The following RBFOX1 variants were observed in gnomAD, a reference collection of about 807,000 sequenced individuals.
RBFOX1 encodes RNA binding fox-1 homolog 1.
A neutral mutation model predicts 57.7 loss-of-function variants in RBFOX1; 8 were observed. That is an observed-to-expected ratio of 0.14 (90% CI 0.08 to 0.25). The LOEUF (loss-of-function observed/expected upper bound fraction) is 0.25. Among genes scored for constraint, RBFOX1 ranks in the 10% least tolerant of loss-of-function variants. The probability of loss-of-function intolerance (pLI) is 1.00; values close to 1 mark genes in which losing one functional copy is unlikely to be tolerated. For missense variants in RBFOX1, 611 were observed against 548.5 expected, an observed-to-expected ratio of 1.11 and a Z score of -1.14; for synonymous variants, 326 against 222.4, an observed-to-expected ratio of 1.47 and a Z score of -4.15.
chr16:7,374,010 G>C (rs1207374314), intron 4 of RBFOX1, among the ~76,000 whole-genome samples: 3 of 152,142 alleles, frequency 2.0e-5, no homozygotes, highest in African/African-American at 7.2e-5. Context: ...TCACAGATAT[G>C]AGCCATAAAA....
intron 4 of RBFOX1, among the ~76,000 whole-genome samples, chr16:7,309,924 T>C: frequency 6.6e-6 from 1 of 152,220 alleles, no homozygotes; most frequent in East Asian, 1.9e-4. Flanking sequence ...CCCAATGTTC[T>C]GTTTAATTCA....
chr16:5,940,306 C>T (rs537562345), intron 4 of RBFOX1, among the ~76,000 whole-genome samples: 2 of 152,122 alleles, frequency 1.3e-5, no homozygotes, highest in Non-Finnish European at 2.9e-5. Context: ...CTAGATGGTC[C>T]CTAAAGCCTC....
chr16:6,961,568 C>T (rs955327645), intron 3 of RBFOX1, among the ~76,000 whole-genome samples: 2 of 152,186 alleles, frequency 1.3e-5, no homozygotes, highest in Non-Finnish European at 2.9e-5. Flanking sequence ...AAACGAATGG[C>T]TACTCCATAG....
At chr16:7,272,089 C>T (rs1464032459) in intron 4 of RBFOX1, among the ~76,000 whole-genome samples, 1 of 152,120 alleles carries the variant, frequency 6.6e-6, no homozygotes, top group Non-Finnish European at 1.5e-5. Flanking sequence ...TCCCCATTGT[C>T]GGCGTTTGTA....
chr16:7,379,593 C>G (rs1413517690), intron 4 of RBFOX1, among the ~76,000 whole-genome samples: 2 of 152,120 alleles, frequency 1.3e-5, no homozygotes, highest in Non-Finnish European at 2.9e-5. Context: ...AATAAAGAAA[C>G]TCAAAATTCA....
intron 2 of RBFOX1, among the ~76,000 whole-genome samples, chr16:6,552,528 T>G (rs1356895610): frequency 3.3e-5 from 5 of 152,224 alleles, no homozygotes; most frequent in African/African-American, 4.8e-5. Context: ...AATTGCCGAA[T>G]AAATGTTACC....
intron 3 of RBFOX1, among the ~76,000 whole-genome samples, chr16:6,910,035 C>T (rs1483212283): frequency 6.6e-6 from 1 of 152,056 alleles, no homozygotes; most frequent in Non-Finnish European, 1.5e-5. Context: ...GTTCATTACT[C>T]TTACCTCTAC....
At chr16:7,494,411 T>C (rs761979685) in intron 4 of RBFOX1, among the ~76,000 whole-genome samples, 1 of 152,176 alleles carries the variant, frequency 6.6e-6, no homozygotes, top group Admixed American at 6.5e-5. Flanking sequence ...TCACACTCCT[T>C]CTCTGCTCCC....
At chr16:5,326,165 C>T (rs1202771107) in intron 1 of RBFOX1, among the ~76,000 whole-genome samples, 1 of 152,178 alleles carries the variant, frequency 6.6e-6, no homozygotes, top group Non-Finnish European at 1.5e-5. Context: ...ATAGGCATGT[C>T]CTAGGATCTT....
At chr16:7,091,634 C>G (rs756579780) in intron 4 of RBFOX1, among the ~76,000 whole-genome samples, 1 of 152,178 alleles carries the variant, frequency 6.6e-6, no homozygotes, top group Non-Finnish European at 1.5e-5. Context: ...ACCACCCAGA[C>G]AGCTCCAGTT....
chr16:6,145,700 A>G (rs1276811269), intron 1 of RBFOX1, among the ~76,000 whole-genome samples: 2 of 152,158 alleles, frequency 1.3e-5, no homozygotes, highest in African/African-American at 2.4e-5. Flanking sequence ...AGTATTTTCA[A>G]TGTTTATGGC....
At position 5,946,425 on chromosome 16, in the gene RBFOX1, A is replaced by G. The variant is rs1014268348; in HGVS notation, c.351+79090A>G. Reference sequence around the variant, plus strand: ...AACCAAGTGCCGGATGCACTACTCTATCTTGCGACAGAGCCATGAACAGCT... The same window carrying G: ...AACCAAGTGCCGGATGCACTACTCTGTCTTGCGACAGAGCCATGAACAGCT... On this transcript the variant is annotated intron_variant, in intron 4 of 19. Coordinates refer to the RBFOX1 transcript ENST00000641259. The surrounding 1 kb of genome is among the most constrained non-coding windows in gnomAD (Gnocchi z 4.6). 1.3e-5 allele frequency among the ~76,000 whole-genome samples: 2 copies of G among 152,126 alleles called. No individual in the cohort carries two copies. Among genetic ancestry groups the G allele is most frequent in the Non-Finnish European group, 2.9e-5 (2 of 68,032 alleles).
At position 6,790,426 on chromosome 16, in the gene RBFOX1, C is replaced by G. The variant is rs556070699; in HGVS notation, c.-16+135776C>G. Among the ~76,000 whole-genome samples the G allele has an allele frequency of 1.7e-3, 255 of 152,180 alleles. 1 individual carries two copies. The highest frequency in any genetic ancestry group is 6.0e-3 in the African/African-American group (250 of 41,538). On this transcript the variant is annotated intron_variant, in intron 3 of 15. Coordinates refer to ENST00000550418, the MANE Select transcript of RBFOX1 (RefSeq NM_018723.4). ...TCTTGAACTCCTGACCTCAGGTGATCTACCCACCTCGGCCTCCCAAAGTGC... is the reference window on the plus strand; with the variant it reads ...TCTTGAACTCCTGACCTCAGGTGATGTACCCACCTCGGCCTCCCAAAGTGC...
chr16:7,462,510 C>A (rs556619871), intron 4 of RBFOX1, among the ~76,000 whole-genome samples: 121 of 152,234 alleles, frequency 7.9e-4, no homozygotes, highest in African/African-American at 2.8e-3. Flanking sequence ...ACAAAACAAA[C>A]AAAAAAACCC....
chr16:6,789,340 T>G (rs1022505823), intron 3 of RBFOX1, among the ~76,000 whole-genome samples: 1 of 152,310 alleles, frequency 6.6e-6, no homozygotes, highest in East Asian at 1.9e-4. Flanking sequence ...GTGGTGAGTT[T>G]CCGCTTTGAG....
intron 4 of RBFOX1, among the ~76,000 whole-genome samples, chr16:7,274,241 G>T (rs1427594537): frequency 6.6e-6 from 1 of 152,146 alleles, no homozygotes; most frequent in South Asian, 2.1e-4. Flanking sequence ...ACTATGTTCC[G>T]AGTAATGTTA....
chr16:5,724,560 C>A (rs1448576009), intron 3 of RBFOX1, among the ~76,000 whole-genome samples: 1 of 152,176 alleles, frequency 6.6e-6, no homozygotes, highest in Non-Finnish European at 1.5e-5. Context: ...ACATCTCTTC[C>A]CTCAAGCATA....
chr16:7,018,949 T>A (rs1270624864), intron 3 of RBFOX1, among the ~76,000 whole-genome samples: 1 of 151,984 alleles, frequency 6.6e-6, no homozygotes, highest in Non-Finnish European at 1.5e-5. Context: ...TGAGACCTCG[T>A]CTCTACAAAA....
chr16:5,257,097 T>A (rs1160681196), intron 1 of RBFOX1, among the ~76,000 whole-genome samples: 1 of 152,060 alleles, frequency 6.6e-6, no homozygotes, highest in East Asian at 1.9e-4. Context: ...TACAGGGTCT[T>A]AAATGGGGGA....
Sources: gnomAD v4.1 joint callset for allele counts (sites outside exome capture counted in the v4.1 genomes callset) on GRCh38, gnomAD v4.1.1 for gene constraint, Gnocchi (gnomAD v3.1) non-coding constraint, MANE v1.5 for transcripts, NCBI Gene and HGNC (gene_info 2026-07-23, HGNC 2026-07-21) for gene names.